TMEM45A: variants seen among roughly 807,000 people sequenced by gnomAD.
TMEM45A encodes the protein DNA polymerase-transactivated protein 4.
TMEM45A carries 25 observed loss-of-function variants against 32.0 expected under a neutral mutation model. The observed-to-expected ratio is 0.78, with a 90% CI of 0.57 to 1.09. TMEM45A has a LOEUF of 1.09. Ranked by LOEUF, TMEM45A falls within the 50% of genes least tolerant of loss-of-function variation. The probability of loss-of-function intolerance (pLI) is 0.00; values close to 1 mark genes in which losing one functional copy is unlikely to be tolerated. For missense variants in TMEM45A, 302 were observed against 325.0 expected, an observed-to-expected ratio of 0.93 and a Z score of 0.54; for synonymous variants, 122 against 114.8, an observed-to-expected ratio of 1.06 and a Z score of -0.40.
chr3:100,505,688 A>T (rs910347958), intron 1 of TMEM45A, among the ~76,000 whole-genome samples: 1 of 152,228 alleles, frequency 6.6e-6, no homozygotes, highest in Non-Finnish European at 1.5e-5. Flanking sequence ...ACAGGGCCAG[A>T]TTTACCCTTT....
chr3:100,510,607 A>G (rs2148935731), intron 1 of TMEM45A, among the ~76,000 whole-genome samples: 1 of 152,392 alleles, frequency 6.6e-6, no homozygotes, highest in South Asian at 2.1e-4. Flanking sequence ...CCAGCAATGG[A>G]ACAAAGCTGG....
At chr3:100,501,166 A>AT (rs1708003179) in intron 1 of TMEM45A, among the ~76,000 whole-genome samples, 1 of 152,370 alleles carries the variant, frequency 6.6e-6, no homozygotes, top group African/African-American at 2.4e-5. Context: ...AATTTGTCTG[A>AT]TTTTAGTTCT....
chr3:100,530,077 G>C (rs1017666889), intron 1 of TMEM45A, among the ~76,000 whole-genome samples: 3 of 152,104 alleles, frequency 2.0e-5, no homozygotes, highest in Non-Finnish European at 4.4e-5. Context: ...AAATAGAATA[G>C]TATAACATAC....
At chr3:100,544,611 C>A (rs527687271) in intron 1 of TMEM45A, among the ~76,000 whole-genome samples, 1 of 152,074 alleles carries the variant, frequency 6.6e-6, no homozygotes, top group Non-Finnish European at 1.5e-5. Flanking sequence ...TGGAACTATG[C>A]AGTAAGTACC....
At chr3:100,531,930 T>C (rs965673832) in intron 1 of TMEM45A, among the ~76,000 whole-genome samples, 2 of 152,246 alleles carry the variant, frequency 1.3e-5, no homozygotes, top group Non-Finnish European at 2.9e-5. Flanking sequence ...TTTACAGTTG[T>C]CCATGTAAAT....
chr3:100,536,570 A>G (rs953482752), intron 1 of TMEM45A, among the ~76,000 whole-genome samples: 2 of 152,368 alleles, frequency 1.3e-5, no homozygotes, highest in East Asian at 3.9e-4. Context: ...GGAGGAATTA[A>G]GAAATGAATA....
chr3:100,504,796 A>T (rs1189352639), intron 1 of TMEM45A, among the ~76,000 whole-genome samples: 1 of 152,254 alleles, frequency 6.6e-6, no homozygotes, highest in African/African-American at 2.4e-5. Flanking sequence ...TCTTTCCAGC[A>T]GCGAGAGCCA....
At chr3:100,511,898 G>T (rs1708169950) in intron 1 of TMEM45A, among the ~76,000 whole-genome samples, 1 of 152,034 alleles carries the variant, frequency 6.6e-6, no homozygotes, top group Admixed American at 6.5e-5. Context: ...TAATGGTAAA[G>T]GGATCAATTC....
At chr3:100,542,409 GA>G (rs546492456) in intron 1 of TMEM45A, among the ~76,000 whole-genome samples, 8 of 152,154 alleles carry the variant, frequency 5.3e-5, no homozygotes, top group Non-Finnish European at 1.0e-4. Context: ...AAGGATTTAT[GA>G]CTAAGTACCC....
intron 1 of TMEM45A, among the ~76,000 whole-genome samples, chr3:100,521,500 G>T (rs904229332): frequency 6.6e-6 from 1 of 152,130 alleles, no homozygotes; most frequent in Non-Finnish European, 1.5e-5. Flanking sequence ...TGATCTGCCC[G>T]CCTGGGCCTT....
chr3:100,561,412 G>A (rs1559651961), intron 4 of TMEM45A, among the ~76,000 whole-genome samples: 1 of 152,138 alleles, frequency 6.6e-6, no homozygotes, highest in Admixed American at 6.5e-5. Flanking sequence ...GGAACCGTAA[G>A]TATGGAGATG....
At chr3:100,510,352 G>A (rs1436966907) in intron 1 of TMEM45A, among the ~76,000 whole-genome samples, 1 of 152,182 alleles carries the variant, frequency 6.6e-6, no homozygotes, top group Non-Finnish European at 1.5e-5. Context: ...CCCCCCAGCA[G>A]GGGCAGACTG....
At chr3:100,513,616 T>A (rs1465429193) in intron 1 of TMEM45A, among the ~76,000 whole-genome samples, 1 of 150,702 alleles carries the variant, frequency 6.6e-6, no homozygotes, top group Non-Finnish European at 1.5e-5. Flanking sequence ...GTGTTGGAAG[T>A]TCTGGCCAGG....
intron 4 of TMEM45A, among the ~76,000 whole-genome samples, chr3:100,566,369 A>G (rs1283746137): frequency 6.6e-6 from 1 of 152,170 alleles, no homozygotes; most frequent in African/African-American, 2.4e-5. Flanking sequence ...TTTTATCCCA[A>G]TAAAAAATTA....
intron 1 of TMEM45A, among the ~76,000 whole-genome samples, chr3:100,537,786 A>C (rs1705771787): frequency 6.6e-6 from 1 of 152,226 alleles, no homozygotes; most frequent in African/African-American, 2.4e-5. Flanking sequence ...TCTCTCCTTT[A>C]GAAGCTGTGA....
chr3:100,549,164 T>C (rs1706039144), intron 1 of TMEM45A, among the ~76,000 whole-genome samples: 1 of 151,858 alleles, frequency 6.6e-6, no homozygotes, highest in East Asian at 1.9e-4. Flanking sequence ...GGAGAATCAC[T>C]TCAACCCGGG....
At chr3:100,529,717 C>T (rs1190721595) in intron 1 of TMEM45A, among the ~76,000 whole-genome samples, 2 of 152,074 alleles carry the variant, frequency 1.3e-5, no homozygotes, top group East Asian at 3.9e-4. Flanking sequence ...GCCTCCCAGG[C>T]TCAAGAGATT....
chr3:100,507,739 G>A (rs1708097823), intron 1 of TMEM45A, among the ~76,000 whole-genome samples: 1 of 151,972 alleles, frequency 6.6e-6, no homozygotes, highest in Non-Finnish European at 1.5e-5. Context: ...TAATGACAAA[G>A]ACAATAACAC....
intron 1 of TMEM45A, among the ~76,000 whole-genome samples, chr3:100,522,253 GAC>G (rs1330207587): frequency 2.6e-5 from 4 of 152,192 alleles, no homozygotes; most frequent in African/African-American, 9.7e-5. Flanking sequence ...TTGGGGGGCT[GAC>G]TCTGGCCCTT....
Sources: allele counts gnomAD v4.1 joint callset (sites outside exome capture counted in the v4.1 genomes callset), GRCh38; gene constraint gnomAD v4.1.1; transcripts MANE v1.5; gene names NCBI Gene and HGNC (gene_info 2026-07-23, HGNC 2026-07-21).